PPP3CA: variants seen among roughly 807,000 people sequenced by gnomAD.
The protein encoded by PPP3CA is protein phosphatase 3 catalytic subunit alpha, also known as CAM-PRP catalytic subunit.
A neutral mutation model predicts 66.5 loss-of-function variants in PPP3CA; 14 were observed. The observed-to-expected ratio is 0.21, with a 90% confidence interval of 0.14 to 0.33. PPP3CA has a LOEUF of 0.33. Among genes scored for constraint, PPP3CA ranks in the 10% least tolerant of loss-of-function variants. The pLI is 1.00. For synonymous variants in PPP3CA, 232 were observed against 226.2 expected (o/e 1.03, Z -0.23); for missense variants, 317 against 639.5 (o/e 0.50, Z 5.44).
At chr4:101,067,704 T>C (rs760069090) in intron 8 of PPP3CA, among the ~76,000 whole-genome samples, 2 of 150,282 alleles carry the variant, frequency 1.3e-5, no homozygotes, top group African/African-American at 2.5e-5. Flanking sequence ...TTAGGTGATA[T>C]ACCTAATGCT....
chr4:101,272,104 C>T (rs185621512), intron 1 of PPP3CA, among the ~76,000 whole-genome samples: 24 of 152,212 alleles, frequency 1.6e-4, no homozygotes, highest in Admixed American at 9.8e-4. Flanking sequence ...CCATCCTTAG[C>T]TGATAATATG....
At chr4:101,117,350 G>A (rs1560610461) in intron 2 of PPP3CA, among the ~76,000 whole-genome samples, 1 of 151,594 alleles carries the variant, frequency 6.6e-6, no homozygotes, top group Non-Finnish European at 1.5e-5. Context: ...CCATCATTAT[G>A]ACCACAGTGT....
At chr4:101,125,192 C>T (rs1259530865) in intron 2 of PPP3CA, among the ~76,000 whole-genome samples, 1 of 152,204 alleles carries the variant, frequency 6.6e-6, no homozygotes, top group Non-Finnish European at 1.5e-5. Context: ...CATTCACGAA[C>T]ATTACTAAAC....
chr4:101,198,489 GA>G (rs1724870127), intron 1 of PPP3CA, among the ~76,000 whole-genome samples: 1 of 151,588 alleles, frequency 6.6e-6, no homozygotes, highest in South Asian at 2.1e-4. Context: ...AGGCAACAGT[GA>G]AGGTTTAAGT....
At chr4:101,036,734 C>A (rs10002927) in intron 11 of PPP3CA, among the ~76,000 whole-genome samples, 5,336 of 152,232 alleles carry the variant, frequency 0.035, 306 homozygotes, top group African/African-American at 0.12. Flanking sequence ...TTCTAACCCT[C>A]GCCTCTCTCT....
chr4:101,341,383 C>T (rs1439471875), intron 1 of PPP3CA, among the ~76,000 whole-genome samples: 2 of 152,002 alleles, frequency 1.3e-5, no homozygotes, highest in Non-Finnish European at 2.9e-5. Flanking sequence ...TTTACACTTA[C>T]CTGTAACCAT....
chr4:101,319,518 AAG>A (rs1728977047), intron 1 of PPP3CA, among the ~76,000 whole-genome samples: 1 of 152,142 alleles, frequency 6.6e-6, no homozygotes, highest in African/African-American at 2.4e-5. Context: ...TACTTAATTA[AAG>A]CAAACTAAAA....
At chr4:101,160,345 T>C (rs766359453) in intron 2 of PPP3CA, among the ~76,000 whole-genome samples, 1 of 152,154 alleles carries the variant, frequency 6.6e-6, no homozygotes, top group Non-Finnish European at 1.5e-5. Flanking sequence ...AAATAACTTA[T>C]CCTTTTTGCC....
intron 4 of PPP3CA, 113 bp from the exon 5 acceptor site, chr4:101,098,625 G>T: frequency 1.1e-6 from 1 of 907,708 alleles, no homozygotes; most frequent in Non-Finnish European, 1.6e-6. Context: ...TAACATAAAG[G>T]CACATACTAC....
chr4:101,187,689 C>A (rs556750596), intron 2 of PPP3CA, among the ~76,000 whole-genome samples: 1 of 152,072 alleles, frequency 6.6e-6, no homozygotes, highest in African/African-American at 2.4e-5. Context: ...ATCTCTTATT[C>A]GCCAAATGGT....
chr4:101,124,727 GAAAGAAAGAA>G lies in PPP3CA; in HGVS notation c.260-15659_260-15650del, dbSNP rs1722168867. Reference sequence around the variant, plus strand: ...AAAGAAAGAAAGAAAGAAAGAAAGAGAAAGAAAGAAAGAAAGAAAGAAAGAAAGAAAGAAA... The same window carrying G: ...AAAGAAAGAAAGAAAGAAAGAAAGAGAGAAAGAAAGAAAGAAAGAAAGAAA... On this transcript the variant is annotated intron_variant, in intron 2 of 13. Coordinates refer to ENST00000394854, the MANE Select transcript of PPP3CA (RefSeq NM_000944.5). 2.2e-4 allele frequency among the ~76,000 whole-genome samples: 11 copies of G among 49,930 alleles called. No individual in the cohort carries two copies. In the South Asian group the frequency reaches 2.2e-3, roughly 10 times the overall value. The allele number at this position is 49,930 out of a possible 152,430, so 32.8% of individuals were successfully genotyped here. A position where few individuals can be genotyped will look rare whatever the true frequency, so the allele number is the denominator to read the frequency against.
intron 1 of PPP3CA, among the ~76,000 whole-genome samples, chr4:101,281,943 C>A (rs1435348770): frequency 1.3e-5 from 2 of 152,154 alleles, no homozygotes; most frequent in Non-Finnish European, 2.9e-5. Context: ...ATTCAACATA[C>A]ATTCAGTTAG....
chr4:101,317,608 A>G (rs1377673130), intron 1 of PPP3CA, among the ~76,000 whole-genome samples: 1 of 152,212 alleles, frequency 6.6e-6, no homozygotes, highest in Non-Finnish European at 1.5e-5. Flanking sequence ...TTGCTGTAAC[A>G]ATATTACTTG....
intron 2 of PPP3CA, among the ~76,000 whole-genome samples, chr4:101,110,497 T>A (rs1236773181): frequency 6.6e-6 from 1 of 151,784 alleles, no homozygotes; most frequent in Non-Finnish European, 1.5e-5. Context: ...CTTGGTAATC[T>A]TAAATACTAA....
intron 2 of PPP3CA, among the ~76,000 whole-genome samples, chr4:101,124,723 A>AAGAAAGAG (rs1722165250): frequency 8.3e-5 from 4 of 48,178 alleles, no homozygotes; most frequent in Non-Finnish European, 1.8e-4. Context: ...GAAAGAAAGA[A>AAGAAAGAG]AGAGAAAGAA....
rs200374636 is a variant in PPP3CA at position 101,106,461 on chromosome 4, A to G, written c.384+2493T>C. Among the ~76,000 whole-genome samples the G allele has an allele frequency of 1.8e-4, 4 of 22,016 alleles. 1 individual carries two copies. The highest frequency in any genetic ancestry group is 1.2e-3 in the African/African-American group (4 of 3,212). 14.4% of individuals were successfully genotyped at this position (22,016 alleles called of 152,430 possible). ...AGAAAGAAAGAAAGAAAGAGAAAAG[A>G]AAAGAAAAGAAAAGAAAAGAAAAGA... On this transcript the variant is annotated intron_variant, in intron 3 of 13. Coordinates refer to ENST00000394854, the MANE Select transcript of PPP3CA (RefSeq NM_000944.5).
At chr4:101,142,651 C>A (rs1332272574) in intron 2 of PPP3CA, among the ~76,000 whole-genome samples, 1 of 152,180 alleles carries the variant, frequency 6.6e-6, no homozygotes, top group East Asian at 1.9e-4. Context: ...ATCCTCCCAC[C>A]TCAGCCTCCT....
intron 9 of PPP3CA, 50 bp from the exon 10 acceptor site, chr4:101,061,211 T>G (rs781718346): frequency 2.7e-6 from 4 of 1,482,852 alleles, no homozygotes; most frequent in Admixed American, 1.7e-5. Context: ...TGTTATAACC[T>G]TAACTATTAC....
intron 3 of PPP3CA, among the ~76,000 whole-genome samples, chr4:101,103,049 TTTAA>T (rs1463603619): frequency 1.3e-5 from 2 of 152,226 alleles, no homozygotes; most frequent in African/African-American, 2.4e-5. Flanking sequence ...CTTTCTCCTG[TTTAA>T]TTTTCTCCTA....
Sources: allele counts gnomAD v4.1 joint callset (sites outside exome capture counted in the v4.1 genomes callset), GRCh38; gene constraint gnomAD v4.1.1; transcripts MANE v1.5; gene names NCBI Gene and HGNC (gene_info 2026-07-23, HGNC 2026-07-21).